ANKRD24: variants seen among roughly 807,000 people sequenced by gnomAD.
ANKRD24 encodes ankyrin repeat domain 24.
Under a neutral mutation model 127.8 loss-of-function variants are expected in ANKRD24, and 109 were observed. The ratio of observed to expected loss-of-function variants is 0.85; its 90% CI spans 0.73 to 1.00. ANKRD24 has a LOEUF of 1.00. Ranked by LOEUF, ANKRD24 falls within the 50% of genes least tolerant of loss-of-function variation. ANKRD24 has a pLI of 0.00. For missense variants in ANKRD24, 1,648 were observed against 1,570.2 expected (o/e 1.05, Z -0.84); for synonymous variants, 743 against 671.1 (o/e 1.11, Z -1.66).
At position 4,199,601 on chromosome 19, in the gene ANKRD24, G is replaced by GC. The variant is rs1968966087; in HGVS notation, c.37-80dup. On this transcript the variant is annotated intron_variant, in intron 2 of 21. Coordinates refer to ENST00000318934, the MANE Select transcript of ANKRD24 (RefSeq NM_001393985.1). The surrounding 1 kb of genome is among the most constrained non-coding windows in gnomAD (Gnocchi z 5.2). ...TTTTGTTGGACAACTGGGGTGATGG[G>GC]CCTGGGGGCAGATGCTGGGGGTCGC... 6.9e-7 allele frequency: 1 copy of GC among 1,458,300 alleles called. No individual in the cohort carries two copies. The highest frequency in any genetic ancestry group is 1.4e-5 in the African/African-American group (1 of 69,888). 90.3% of individuals were successfully genotyped at this position (1,458,300 alleles called of 1,614,324 possible).
At chr19:4,221,273 C>G (rs1970426850) in intron 19 of ANKRD24, among the ~76,000 whole-genome samples, 1 of 152,000 alleles carries the variant, frequency 6.6e-6, no homozygotes, top group South Asian at 2.1e-4. Context: ...GACTGGGTTT[C>G]ACCATGTTGG....
rs536709562 is a variant in ANKRD24 at position 4,196,083 on chromosome 19, C to T, written c.37-3600C>T. Among the ~76,000 whole-genome samples, 11 of 152,214 alleles carry T rather than the reference C, an allele frequency of 7.2e-5. No homozygotes were observed. The South Asian group carries it at 2.1e-3, about 29-fold the overall frequency. On this transcript the variant is annotated intron_variant, in intron 2 of 21. Coordinates refer to ENST00000318934, the MANE Select transcript of ANKRD24 (RefSeq NM_001393985.1). The stretch of plus-strand genomic sequence containing the variant: ...GTGGGTGGAGGCCAGGGATGCTGCT[C>T]GGCACCCTGCAGTGCCCAGGACAGC...
At chr19:4,194,374 A>G (rs1490612970) in intron 2 of ANKRD24, among the ~76,000 whole-genome samples, 1 of 152,096 alleles carries the variant, frequency 6.6e-6, no homozygotes. Flanking sequence ...GCTGGTCTTG[A>G]ACTCCTGACT....
chr19:4,182,965 T>TGTGTGTGTGTG (rs1967814891), intron 1 of ANKRD24, among the ~76,000 whole-genome samples: 1 of 138,582 alleles, frequency 7.2e-6, no homozygotes, highest in Non-Finnish European at 1.6e-5. Context: ...AATATCTCAT[T>TGTGTGTGTGTG]TGTGTGTGTG....
chr19:4,213,333 CCTTT>C (rs1969871112), intron 15 of ANKRD24, among the ~76,000 whole-genome samples: 1 of 148,666 alleles, frequency 6.7e-6, no homozygotes, highest in Admixed American at 6.8e-5. Context: ...TCCCTTCCTT[CCTTT>C]CCTTCCTTCC....
chr19:4,208,718 T>G, intron 10 of ANKRD24, 46 bp from the exon 11 acceptor site: 1 of 1,595,584 alleles, frequency 6.3e-7, no homozygotes, highest in Non-Finnish European at 8.6e-7. Flanking sequence ...ATGCCCTTCC[T>G]GGGCCTGGGA....
Position 4,198,154 on chromosome 19 carries a change from C to T in ANKRD24, c.37-1529C>T. On this transcript the variant is annotated intron_variant, in intron 2 of 21. Coordinates refer to ENST00000318934, the MANE Select transcript of ANKRD24 (RefSeq NM_001393985.1). The surrounding 1 kb of genome is among the most constrained non-coding windows in gnomAD (Gnocchi z 6.1). ...GTCCCCTGGAGATGCAGCCGGCGGC[C>T]TGCGCTGGTGAGGGAGCCGGGCCCC... The T allele has an allele frequency of 1.8e-6, 1 of 544,356 alleles. No individual in the cohort carries two copies. The highest frequency in any genetic ancestry group is 3.5e-5 in the Admixed American group (1 of 28,288). 33.7% of individuals were successfully genotyped at this position (544,356 alleles called of 1,614,324 possible). A position where few individuals can be genotyped will look rare whatever the true frequency, so the allele number is the denominator to read the frequency against.
At position 4,217,632 on chromosome 19, in the gene ANKRD24, G is replaced by A; in HGVS notation, c.2472G>A (p.Leu824=). ...CLDEARASRL[L]AEEEARGLRA... is the part of the protein sequence containing the mutation. ...ATGAGGCTCGGGCCAGCCGGCTGCT[G>A]GCGGAGGAGGAGGCGCGGGGCCTGC... The change falls in exon 18 of 22, where the codon CTG becomes CTA. Residue 824 remains leucine (L), a synonymous_variant. Transcript: ENST00000318934. 1 of 1,287,294 alleles carries A rather than the reference G, an allele frequency of 7.8e-7. No individual in the cohort carries two copies. The highest frequency in any genetic ancestry group is 9.8e-7 in the Non-Finnish European group (1 of 1,020,956). The allele number at this position is 1,287,294 out of a possible 1,614,324, so 79.7% of individuals were successfully genotyped here.
chr19:4,217,519 C>G lies in ANKRD24; in HGVS notation c.2359C>G (p.Leu787Val). Residue 787 changes from leucine (L) to valine (V), a missense_variant, in exon 18 of 22, where the codon CTG becomes GTG. Physicochemically the swap from Leu to Val is conservative, Grantham distance 32. Transcript: ENST00000318934. The stretch of plus-strand genomic sequence containing the variant: ...GGGCGGTGGCGGTGACACCACACAG[C>G]TGCGGGCGGCCCTGGAGCAGGCCCG... ...SGGGGGDTTQ[L>V]RAALEQARED... 7.3e-7 allele frequency: 1 copy of G among 1,370,002 alleles called. No individual in the cohort carries two copies. Among genetic ancestry groups the G allele is most frequent in the South Asian group, 1.7e-5 (1 of 59,740 alleles). 84.9% of individuals were successfully genotyped at this position (1,370,002 alleles called of 1,614,324 possible). A position where few individuals can be genotyped will look rare whatever the true frequency, so the allele number is the denominator to read the frequency against.
Position 4,217,094 on chromosome 19 carries a change from C to T in ANKRD24, c.1934C>T (p.Thr645Ile), listed in dbSNP as rs1411310436. 2 of 1,613,576 alleles carry T rather than the reference C, an allele frequency of 1.2e-6. No individual in the cohort carries two copies. Among genetic ancestry groups the T allele is most frequent in the Non-Finnish European group, 1.7e-6 (2 of 1,179,812 alleles). ...GCCATGGGGGTGGAGGCCACAAAAACAAAAGCAGAGGAAGCAGAAATGCAG... is the reference window on the plus strand; with the variant it reads ...GCCATGGGGGTGGAGGCCACAAAAATAAAAGCAGAGGAAGCAGAAATGCAG... ...VEAMGVEATK[T>I]KAEEAEMQAY... The change falls in exon 18 of 22, where the codon ACA (threonine) becomes ATA (isoleucine). Residue 645 changes from threonine to isoleucine, a missense_variant. Coordinates refer to ENST00000318934, the MANE Select transcript of ANKRD24 (RefSeq NM_001393985.1).
At chr19:4,215,841 G>T (rs1970031943) in intron 15 of ANKRD24, 137 bp from the exon 16 acceptor site, 4 of 659,950 alleles carry the variant, frequency 6.1e-6, no homozygotes, top group East Asian at 5.6e-5. Context: ...CTAAATCCTT[G>T]TGGGCCAAAT....
At position 4,224,443 on chromosome 19, in the gene ANKRD24, G is replaced by A; in HGVS notation, c.3379G>A (p.Asp1127Asn). ...LYAIQGQMDE[D>N]VQRILSQILQ... ...CCAACCCTAGGGCCAGATGGATGAAGATGTGCAGCGGATTCTCAGCCAGAT... is the reference window on the plus strand; with the variant it reads ...CCAACCCTAGGGCCAGATGGATGAAAATGTGCAGCGGATTCTCAGCCAGAT... Residue 1127 changes from aspartate (D) to asparagine (N), a missense_variant, in exon 22 of 22, where the codon GAT (aspartate) becomes AAT (asparagine). Physicochemically the swap from Asp to Asn is conservative, Grantham distance 23. Transcript: ENST00000318934. 1 of 1,613,514 alleles carries A rather than the reference G, an allele frequency of 6.2e-7. No individual in the cohort carries two copies. The highest frequency in any genetic ancestry group is 1.3e-5 in the African/African-American group (1 of 75,002).
At chr19:4,204,960 G>A (rs1323224371) in intron 7 of ANKRD24, among the ~76,000 whole-genome samples, 3 of 152,010 alleles carry the variant, frequency 2.0e-5, no homozygotes, top group Non-Finnish European at 2.9e-5. Context: ...AATTAAGGCC[G>A]GGTGCAGTGG....
At chr19:4,221,441 G>T (rs913528282) in intron 19 of ANKRD24, among the ~76,000 whole-genome samples, 1 of 151,856 alleles carries the variant, frequency 6.6e-6, no homozygotes, top group South Asian at 2.1e-4. Flanking sequence ...TATTGCCCAG[G>T]TTGGTCTCAA....
chr19:4,216,019 G>T lies in ANKRD24; in HGVS notation c.1239G>T (p.Gln413His). 6.2e-7 allele frequency: 1 copy of T among 1,600,898 alleles called. No individual in the cohort carries two copies. Among genetic ancestry groups the T allele is most frequent in the Non-Finnish European group, 8.5e-7 (1 of 1,174,352 alleles). The change falls in exon 16 of 22, where the codon CAG becomes CAT. Residue 413 changes from glutamine (Q) to histidine (H), a missense_variant. Coordinates refer to ENST00000318934, the MANE Select transcript of ANKRD24 (RefSeq NM_001393985.1). ...CTAGCTATGACGTAACCACCCTGCAGGATGAGGAGGGTGAGCTGCCTGACC... is the reference window on the plus strand; with the variant it reads ...CTAGCTATGACGTAACCACCCTGCATGATGAGGAGGGTGAGCTGCCTGACC... Reference protein sequence around the residue: ...ENTSYDVTTLQDEEGELPDLP... With the variant: ...ENTSYDVTTLHDEEGELPDLP...
rs758630987 is a variant in ANKRD24, at chr19:4,222,744, T to A, written c.3246T>A (p.Pro1082=). Residue 1082 remains proline, a synonymous_variant, in exon 20 of 22, where the codon CCT becomes CCA. Coordinates refer to ENST00000318934, the MANE Select transcript of ANKRD24 (RefSeq NM_001393985.1). The part of the protein sequence containing the change: ...LKEQPAALAT[P]EVEALRDQVK... ...AGCAGCCGGCCGCCCTCGCCACCCCTGAGGTGGAGGCTCTCCGTGACCAGG... is the reference window on the plus strand; with the variant it reads ...AGCAGCCGGCCGCCCTCGCCACCCCAGAGGTGGAGGCTCTCCGTGACCAGG... The A allele has an allele frequency of 2.5e-5, 41 of 1,611,964 alleles. No homozygotes were observed. Among genetic ancestry groups the A allele is most frequent in the Non-Finnish European group, 3.3e-5 (39 of 1,178,800 alleles).
chr19:4,193,646 T>C (rs1968511325), intron 2 of ANKRD24, among the ~76,000 whole-genome samples: 1 of 151,772 alleles, frequency 6.6e-6, no homozygotes, highest in Non-Finnish European at 1.5e-5. Flanking sequence ...AAGACCAGCC[T>C]GTCAACATGG....
In ANKRD24 at chr19:4,218,581, T is replaced by G. The variant is rs530843453; in HGVS notation, c.3003+418T>G. Among the ~76,000 whole-genome samples, 9 of 152,232 alleles carry G rather than the reference T, an allele frequency of 5.9e-5. No homozygotes were observed. In the South Asian group the frequency reaches 1.9e-3, roughly 32 times the overall value. On this transcript the variant is annotated intron_variant, in intron 18 of 21. Transcript: ENST00000318934. ...TCTCAAAGTGCTGGGATTATGGGCA[T>G]CAGCCTCCGCACCTGGCCTTGAACA...
intron 7 of ANKRD24, among the ~76,000 whole-genome samples, chr19:4,204,840 A>C (rs1380464054): frequency 6.6e-6 from 1 of 152,168 alleles, no homozygotes; most frequent in Non-Finnish European, 1.5e-5. Context: ...TTTGTCACTC[A>C]ACAGTTAACT....
Sources: gnomAD v4.1 joint callset for allele counts (sites outside exome capture counted in the v4.1 genomes callset) on GRCh38, gnomAD v4.1.1 for gene constraint, Gnocchi (gnomAD v3.1) non-coding constraint, MANE v1.5 for transcripts, NCBI Gene and HGNC (gene_info 2026-07-23, HGNC 2026-07-21) for gene names.